The following KLHL38 variants were observed in gnomAD, a reference collection of about 807,000 sequenced individuals.
KLHL38 encodes the protein kelch-like protein 38.
Under a neutral mutation model 39.6 loss-of-function variants are expected in KLHL38, and 38 were observed. That is an observed-to-expected ratio of 0.96 (90% CI 0.74 to 1.26). KLHL38 has a LOEUF of 1.26. Ranked by LOEUF, KLHL38 falls within the 50% of genes most tolerant of loss-of-function variation. The pLI is 0.00. For missense variants in KLHL38, 803 were observed against 748.1 expected, an observed-to-expected ratio of 1.07 and a Z score of -0.86; for synonymous variants, 322 against 302.2, an observed-to-expected ratio of 1.07 and a Z score of -0.68.
intron 2 of KLHL38, among the ~76,000 whole-genome samples, chr8:123,650,348 T>C (rs1005302198): frequency 6.6e-6 from 1 of 152,094 alleles, no homozygotes; most frequent in African/African-American, 2.4e-5. Context: ...TGTTTTAAAG[T>C]TTATGAATTT....
At chr8:123,651,502 G>A (rs1812642556) in intron 2 of KLHL38, 75 bp downstream of exon 2, 4 of 1,448,112 alleles carry the variant, frequency 2.8e-6, no homozygotes, top group South Asian at 2.7e-5. Context: ...ATGTGCATGT[G>A]TGTGCAAGCA....
intron 3 of KLHL38, 142 bp from the exon 4 acceptor site, chr8:123,646,170 C>G: frequency 1.4e-6 from 1 of 708,766 alleles, no homozygotes; most frequent in Non-Finnish European, 2.4e-6. Flanking sequence ...GTTGAGCTAA[C>G]CTGCCAAGGC....
chr8:123,652,683 G>T lies in KLHL38; in HGVS notation c.244C>A (p.Pro82Thr), dbSNP rs1004864714. ...GAGACGATCTGGTCCAGGGTTGGGG[G>T]GTCAATGCCTTTCAGCTGCACTTTG... The part of the protein sequence containing the change: ...EAKVQLKGID[P>T]PTLDQIVSYV... Residue 82 changes from proline (P) to threonine (T), a missense_variant, in exon 2 of 4, where the codon CCC (proline) becomes ACC (threonine). Transcript: ENST00000684634. The T allele has an allele frequency of 1.9e-6, 3 of 1,614,088 alleles. No homozygotes were observed. The highest frequency in any genetic ancestry group is 1.1e-5 in the South Asian group (1 of 91,090).
At chr8:123,646,745 C>G (rs183426625) in intron 3 of KLHL38, among the ~76,000 whole-genome samples, 164 bp downstream of exon 3, 28 of 152,306 alleles carry the variant, frequency 1.8e-4, no homozygotes, top group Admixed American at 1.7e-3. Flanking sequence ...GGAAAAACTT[C>G]TGGATGAGGA....
chr8:123,645,583 C>A lies in KLHL38; in HGVS notation c.*156G>T. On this transcript the variant is annotated 3_prime_UTR_variant, in exon 4 of 4. Transcript: ENST00000684634. ...GAGGCAGAGAAGGAGAGAGAGAGTT[C>A]TGGCAATGCAATGCCTAGTTCCAGG... 1 of 672,272 alleles carries A rather than the reference C, an allele frequency of 1.5e-6. No homozygotes were observed. Among genetic ancestry groups the A allele is most frequent in the Non-Finnish European group, 2.5e-6 (1 of 395,042 alleles). 41.6% of individuals were successfully genotyped at this position (672,272 alleles called of 1,614,324 possible).
chr8:123,652,619 T>G lies in KLHL38; in HGVS notation c.308A>C (p.Asn103Thr), dbSNP rs199785335. 6.9e-5 allele frequency: 111 copies of G among 1,614,172 alleles called. No homozygotes were observed. The African/African-American group carries it at 1.4e-3, about 20-fold the overall frequency. Residue 103 changes from asparagine (N) to threonine (T), a missense_variant, in exon 2 of 4, where the codon AAT becomes ACT. Asn to Thr is a moderately conservative substitution (Grantham distance 65). Coordinates refer to ENST00000684634, the MANE Select transcript of KLHL38 (RefSeq NM_001081675.3). ...GGCGGCCTCCATCACGGGGAGGACA[T>G]TGTCAGTGGCAATATGTGCCTCCCC... ...YTGEAHIATD[N>T]VLPVMEAASM...
In KLHL38 at chr8:123,651,910, GC is replaced by G. The variant is rs1374787137; in HGVS notation, c.1016del (p.Gly339AlafsTer20). The G allele has an allele frequency of 1.9e-6, 3 of 1,614,008 alleles. 1 individual carries two copies. Among genetic ancestry groups the G allele is most frequent in the Middle Eastern group, 3.3e-4 (2 of 6,084 alleles). On this transcript the variant is annotated frameshift_variant, in exon 2 of 4. Coordinates refer to ENST00000684634, the MANE Select transcript of KLHL38 (RefSeq NM_001081675.3). LOFTEE classifies it high-confidence loss of function. ...TLHRSIYVLGGMAVSSGRSLV... is the reference protein window; with the variant it reads ...TLHRSIYVLGXMAVSSGRSLV... ...GACTCCTCCCTGAGCTGACAGCCAT[GC>G]CCCCCAGCACATAGATGCTGCGGTG...
chr8:123,652,428 C>A lies in KLHL38; in HGVS notation c.499G>T (p.Ala167Ser). 6.2e-7 allele frequency: 1 copy of A among 1,614,138 alleles called. No individual in the cohort carries two copies. The highest frequency in any genetic ancestry group is 8.5e-7 in the Non-Finnish European group (1 of 1,180,032). ...AGCTCCTTCAGGTCGGCCGATGCGG[C>A]CACCTCTGGGAAGGACGTCAGTGCC... ...EVALTSFPEV[A>S]ASADLKELCA... The change falls in exon 2 of 4, where the codon GCC becomes TCC. Residue 167 changes from alanine to serine, a missense_variant. Coordinates refer to ENST00000684634, the MANE Select transcript of KLHL38 (RefSeq NM_001081675.3).
In KLHL38 at chr8:123,651,648, C is replaced by T. The variant is rs374238365; in HGVS notation, c.1279G>A (p.Ala427Thr). The T allele has an allele frequency of 2.2e-5, 35 of 1,613,476 alleles. No individual in the cohort carries two copies. Among genetic ancestry groups the T allele is most frequent in the Non-Finnish European group, 2.4e-5 (28 of 1,179,792 alleles). Reference protein sequence around the residue: ...MPVGVLHPAVAVKDQRLYLFG... With the variant: ...MPVGVLHPAVTVKDQRLYLFG... ...AGATAGAGTCTTTGGTCTTTCACAG[C>T]GACTGCGGGGTGGAGCACCCCCACG... The change falls in exon 2 of 4, where the codon GCT becomes ACT. Residue 427 changes from alanine (A) to threonine (T), a missense_variant. Coordinates refer to ENST00000684634, the MANE Select transcript of KLHL38 (RefSeq NM_001081675.3).
In KLHL38 at chr8:123,652,319, C is replaced by T; in HGVS notation, c.608G>A (p.Trp203Ter). The T allele has an allele frequency of 6.2e-7, 1 of 1,613,938 alleles. No individual in the cohort carries two copies. The highest frequency in any genetic ancestry group is 8.5e-7 in the Non-Finnish European group (1 of 1,180,028). ...CCGGGCCTGGAGGTCATGCTTGATC[C>T]AAACCATGAGGGCCTCAAACACCTT... ...EEKVFEALMV[W>*]IKHDLQARKR... The change falls in exon 2 of 4, where the codon TGG becomes TAG. Residue 203 changes from tryptophan (W) to a stop codon, truncating the protein, a stop_gained. Transcript: ENST00000684634. LOFTEE classifies it high-confidence loss of function.
chr8:123,647,123 C>T, intron 2 of KLHL38, 109 bp from the exon 3 acceptor site: 1 of 676,996 alleles, frequency 1.5e-6, no homozygotes, highest in Admixed American at 2.6e-5. Flanking sequence ...TTTCTGTCTG[C>T]TTTTTTCCAG....
chr8:123,652,127 A>AC lies in KLHL38; in HGVS notation c.799dup (p.Val267GlyfsTer116). On this transcript the variant is annotated frameshift_variant, in exon 2 of 4. Transcript: ENST00000684634. LOFTEE classifies it high-confidence loss of function. ...ATGCAACAGGAGTTTGCAGTCTGGG[A>AC]CGGTGGTGCCACACAAAGAGAACAT... 6.2e-7 allele frequency: 1 copy of AC among 1,614,144 alleles called. No individual in the cohort carries two copies. The highest frequency in any genetic ancestry group is 8.5e-7 in the Non-Finnish European group (1 of 1,180,014).
In KLHL38 at chr8:123,652,450, T is replaced by A. The variant is rs748970159; in HGVS notation, c.477A>T (p.Ala159=). The change falls in exon 2 of 4, where the codon GCA becomes GCT. Residue 159 remains alanine (A), a synonymous_variant. Coordinates refer to ENST00000684634, the MANE Select transcript of KLHL38 (RefSeq NM_001081675.3). ...ETLKKKAREV[A]LTSFPEVAAS... is the part of the protein sequence containing the mutation. ...CGGCCACCTCTGGGAAGGACGTCAG[T>A]GCCACCTCCCTGGCTTTCTTCTTGA... 2.5e-6 allele frequency: 4 copies of A among 1,614,188 alleles called. No homozygotes were observed. The highest frequency in any genetic ancestry group is 3.4e-6 in the Non-Finnish European group (4 of 1,180,048).
chr8:123,651,483 T>C, intron 2 of KLHL38, 94 bp downstream of exon 2: 1 of 1,335,256 alleles, frequency 7.5e-7, no homozygotes, highest in Non-Finnish European at 1.0e-6. Flanking sequence ...TTTTGGTGTG[T>C]ATGTATACAT....
Position 123,651,612 on chromosome 8 carries a change from C to T in KLHL38, c.1315G>A (p.Glu439Lys), listed in dbSNP as rs567415072. Reference sequence around the variant, plus strand: ...CGCACAGGGTTCTGCATGATGTCCTCTCCTCCAAAGAGATAGAGTCTTTGG... The same window carrying T: ...CGCACAGGGTTCTGCATGATGTCCTTTCCTCCAAAGAGATAGAGTCTTTGG... Reference protein sequence around the residue: ...KDQRLYLFGGEDIMQNPVRLI... With the variant: ...KDQRLYLFGGKDIMQNPVRLI... Residue 439 changes from glutamate to lysine, a missense_variant, in exon 2 of 4, where the codon GAG (glutamate) becomes AAG (lysine). Transcript: ENST00000684634. 6.2e-7 allele frequency: 1 copy of T among 1,603,516 alleles called. No homozygotes were observed. The highest frequency in any genetic ancestry group is 8.5e-7 in the Non-Finnish European group (1 of 1,176,410).
At chr8:123,648,827 C>T (rs778802728) in intron 2 of KLHL38, among the ~76,000 whole-genome samples, 4 of 152,134 alleles carry the variant, frequency 2.6e-5, no homozygotes, top group Non-Finnish European at 2.9e-5. Flanking sequence ...CTGAAAAGAA[C>T]GCACACACAC....
Position 123,652,568 on chromosome 8 carries a change from A to C in KLHL38, c.359T>G (p.Phe120Cys), listed in dbSNP as rs200331548. The change falls in exon 2 of 4, where the codon TTT (phenylalanine) becomes TGT (cysteine). Residue 120 changes from phenylalanine (F) to cysteine (C), a missense_variant. Phe to Cys is a radical substitution (Grantham distance 205, BLOSUM62 -2). Coordinates refer to ENST00000684634, the MANE Select transcript of KLHL38 (RefSeq NM_001081675.3). ...AASMLQFPKLFEACSSYLQSQ... is the reference protein window; with the variant it reads ...AASMLQFPKLCEACSSYLQSQ... ...CTGCAAGTACGAGGAGCAGGCCTCA[A>C]ACAGCTTGGGGAACTGTAGCATGGA... 6.2e-7 allele frequency: 1 copy of C among 1,614,184 alleles called. No homozygotes were observed. The highest frequency in any genetic ancestry group is 1.3e-5 in the African/African-American group (1 of 75,068).
At chr8:123,650,438 C>T (rs560951385) in intron 2 of KLHL38, among the ~76,000 whole-genome samples, 1 of 152,328 alleles carries the variant, frequency 6.6e-6, no homozygotes, top group East Asian at 1.9e-4. Flanking sequence ...GGGCATCCCG[C>T]CTGTGCTCTT....
intron 1 of KLHL38, 102 bp from the exon 2 acceptor site, chr8:123,653,029 C>T (rs1038955427): frequency 6.1e-6 from 7 of 1,153,662 alleles, no homozygotes; most frequent in East Asian, 2.5e-5. Flanking sequence ...ACCAGTGCTC[C>T]TATTCCATTC....
Sources: gnomAD v4.1 joint callset for allele counts (sites outside exome capture counted in the v4.1 genomes callset) on GRCh38, gnomAD v4.1.1 for gene constraint, MANE v1.5 for transcripts, NCBI Gene and HGNC (gene_info 2026-07-23, HGNC 2026-07-21) for gene names.